Variants in DDX4 observed in about 807,000 individuals in gnomAD.
The protein encoded by DDX4 is probable ATP-dependent RNA helicase DDX4.
DDX4 carries 25 observed loss-of-function variants against 100.0 expected under a neutral mutation model. The ratio of observed to expected loss-of-function variants is 0.25; its 90% CI spans 0.18 to 0.35. The LOEUF is 0.35. Ranked by LOEUF, DDX4 falls within the 10% of genes least tolerant of loss-of-function variation. The pLI, the probability that DDX4 is intolerant of heterozygous loss-of-function variation, is 1.00. For synonymous variants in DDX4, 259 were observed against 275.7 expected (o/e 0.94, Z 0.60); for missense variants, 635 against 882.4 (o/e 0.72, Z 3.55).
At chr5:55,777,253 A>G (rs1741621693) in intron 7 of DDX4, among the ~76,000 whole-genome samples, 1 of 152,216 alleles carries the variant, frequency 6.6e-6, no homozygotes, top group African/African-American at 2.4e-5. Flanking sequence ...GATTGTAGAA[A>G]TAAAAGACCT....
chr5:55,779,756 A>G lies in DDX4; in HGVS notation c.395-208A>G, dbSNP rs569232247. On this transcript the variant is annotated intron_variant, in intron 7 of 21. Transcript: ENST00000505374. Reference sequence around the variant, plus strand: ...GACTTGATTCTCAAAGCAAGCAGTGAGGTTTTAAAAAATTGTAGCCATATC... The same window carrying G: ...GACTTGATTCTCAAAGCAAGCAGTGGGGTTTTAAAAAATTGTAGCCATATC... 1.6e-4 allele frequency among the ~76,000 whole-genome samples: 24 copies of G among 152,280 alleles called. No individual in the cohort carries two copies. In the East Asian group the frequency reaches 4.4e-3, roughly 28 times the overall value.
At chr5:55,763,296 T>C (rs2111809788) in intron 5 of DDX4, 44 bp downstream of exon 5, 2 of 1,229,020 alleles carry the variant, frequency 1.6e-6, no homozygotes, top group African/African-American at 1.5e-5. Flanking sequence ...ACTTGAGTGA[T>C]TTTTTAATAA....
rs372478200 is a variant in DDX4, at chr5:55,754,816, G to A, written c.128-5384G>A. ...TCCATCTGGTCCTGGACTCTTTTTG[G>A]TTGGTAAGCTATTGATTATTGCCAC... On this transcript the variant is annotated intron_variant, in intron 3 of 21. Transcript: ENST00000505374. 2.1e-3 allele frequency among the ~76,000 whole-genome samples: 312 copies of A among 151,796 alleles called. 1 individual carries two copies. The highest frequency in any genetic ancestry group is 7.0e-3 in the African/African-American group (291 of 41,420).
chr5:55,816,714 T>A lies in DDX4; in HGVS notation c.*174T>A. On this transcript the variant is annotated 3_prime_UTR_variant, in exon 22 of 22. Transcript: ENST00000505374. ...GACTAGTTATGTGAGATGCTAAAAC[T>A]TACAACATTGCAGTTACTGATACAA... is the stretch of plus-strand genomic sequence containing the variant. 1 of 1,111,708 alleles carries A rather than the reference T, an allele frequency of 9.0e-7. No individual in the cohort carries two copies. Among genetic ancestry groups the A allele is most frequent in the South Asian group, 2.1e-5 (1 of 48,256 alleles). 68.9% of individuals were successfully genotyped at this position (1,111,708 alleles called of 1,614,324 possible).
chr5:55,761,083 T>C lies in DDX4; in HGVS notation c.205+806T>C, dbSNP rs146175078. On this transcript the variant is annotated intron_variant, in intron 4 of 21. Transcript: ENST00000505374. ...GATGTTTTATTTGACATTTGGAAAA[T>C]TTAATTTCTTTAGATACAATAAACA... Among the ~76,000 whole-genome samples, 79 of 152,280 alleles carry C rather than the reference T, an allele frequency of 5.2e-4. No individual in the cohort carries two copies. In the East Asian group the frequency reaches 7.5e-3, roughly 14 times the overall value.
At chr5:55,814,802 T>C in intron 19 of DDX4, 99 bp from the exon 20 acceptor site, 1 of 1,358,326 alleles carries the variant, frequency 7.4e-7, no homozygotes, top group Non-Finnish European at 1.0e-6. Flanking sequence ...ATGCTGCTAT[T>C]CATACTATTA....
rs552879178 is a variant in DDX4, at chr5:55,757,152, G to A, written c.128-3048G>A. ...TACATAGGTTTTTGGGGAACAGGTGGTGTTTGCTTACATGAGTAAGTTCTT... is the reference window on the plus strand; with the variant it reads ...TACATAGGTTTTTGGGGAACAGGTGATGTTTGCTTACATGAGTAAGTTCTT... On this transcript the variant is annotated intron_variant, in intron 3 of 21. Coordinates refer to ENST00000505374, the MANE Select transcript of DDX4 (RefSeq NM_024415.3). Among the ~76,000 whole-genome samples the A allele has an allele frequency of 2.0e-5, 3 of 152,212 alleles. No individual in the cohort carries two copies. In the East Asian group the frequency reaches 5.8e-4, roughly 29 times the overall value.
At chr5:55,778,888 C>G (rs536194082) in intron 7 of DDX4, among the ~76,000 whole-genome samples, 2 of 16,746 alleles carry the variant, frequency 1.2e-4, no homozygotes, top group Non-Finnish European at 2.4e-4. Context: ...AGTGAGACTT[C>G]GCCTCAAAAA....
chr5:55,769,738 A>G (rs1186869561), intron 7 of DDX4, among the ~76,000 whole-genome samples: 1 of 152,220 alleles, frequency 6.6e-6, no homozygotes, highest in African/African-American at 2.4e-5. Context: ...CAAAGCTGGA[A>G]AGCGTCACAT....
Position 55,738,967 on chromosome 5 carries a change from G to A in DDX4, c.4G>A (p.Gly2Arg). Residue 2 changes from glycine (G) to arginine (R), a missense_variant, in exon 2 of 22, where the codon GGA becomes AGA. Gly to Arg is a moderately radical substitution (Grantham distance 125, BLOSUM62 -2). This residue lies in a region of DDX4 where 446 missense variants were observed against 540.8 expected (regional missense o/e 0.82). Coordinates refer to ENST00000505374, the MANE Select transcript of DDX4 (RefSeq NM_024415.3). ...ATGAATAGAACTTGAAGCCACCATG[G>A]GAGATGAAGATTGGGAAGCAGAAAT... M[G>R]DEDWEAEINP... The A allele has an allele frequency of 6.3e-7, 1 of 1,597,588 alleles. No homozygotes were observed. The highest frequency in any genetic ancestry group is 8.6e-7 in the Non-Finnish European group (1 of 1,165,850).
intron 3 of DDX4, among the ~76,000 whole-genome samples, chr5:55,756,076 C>T (rs1291965785): frequency 6.6e-6 from 1 of 151,922 alleles, no homozygotes; most frequent in Admixed American, 6.6e-5. Context: ...TATGATATTC[C>T]CTATGTAAAT....
intron 17 of DDX4, among the ~76,000 whole-genome samples, chr5:55,794,963 C>CTTTT (rs537421129): frequency 7.1e-6 from 1 of 140,874 alleles, no homozygotes; most frequent in Non-Finnish European, 1.5e-5. Context: ...AGCCCCAGAC[C>CTTTT]TTTTTTTTTT....
chr5:55,769,995 G>C (rs535592757), intron 7 of DDX4, among the ~76,000 whole-genome samples: 75 of 151,868 alleles, frequency 4.9e-4, no homozygotes, highest in Non-Finnish European at 9.0e-4. Context: ...ACCCTCTCTA[G>C]TAGCTGGGAC....
rs759895893 is a variant in DDX4, at chr5:55,785,479, A to C, written c.706A>C (p.Ser236Arg). ...GAAGTCAGAAGCAGAAGGAGGAGAA[A>C]GTAGTGATACTCAAGGTATATTAAC... is the stretch of plus-strand genomic sequence containing the variant. ...SWKSEAEGGE[S>R]SDTQGPKVTY... The change falls in exon 12 of 22, where the codon AGT becomes CGT. Residue 236 changes from serine (S) to arginine (R), a missense_variant. Transcript: ENST00000505374. 1 of 1,606,202 alleles carries C rather than the reference A, an allele frequency of 6.2e-7. No individual in the cohort carries two copies. The highest frequency in any genetic ancestry group is 8.5e-7 in the Non-Finnish European group (1 of 1,174,556).
intron 8 of DDX4, among the ~76,000 whole-genome samples, chr5:55,780,314 C>T (rs1224489319): frequency 6.6e-6 from 1 of 152,076 alleles, no homozygotes; most frequent in African/African-American, 2.4e-5. Context: ...ATATTACATA[C>T]TGTTCATTGT....
intron 3 of DDX4, among the ~76,000 whole-genome samples, 190 bp from the exon 4 acceptor site, chr5:55,760,010 A>G (rs1394011939): frequency 6.6e-6 from 1 of 150,532 alleles, no homozygotes; most frequent in African/African-American, 2.4e-5. Context: ...ATTTAGTCAC[A>G]ATTTATTTTT....
At chr5:55,759,371 T>C (rs1760151628) in intron 3 of DDX4, among the ~76,000 whole-genome samples, 2 of 152,204 alleles carry the variant, frequency 1.3e-5, no homozygotes, top group Middle Eastern at 3.4e-3. Context: ...CTGTGGGTTA[T>C]ATAGAAATGT....
At chr5:55,745,706 A>G (rs1324881097) in intron 2 of DDX4, among the ~76,000 whole-genome samples, 3 of 152,164 alleles carry the variant, frequency 2.0e-5, no homozygotes, top group Non-Finnish European at 2.9e-5. Flanking sequence ...TACATACGAG[A>G]GCCACCACAC....
Position 55,792,697 on chromosome 5 carries a change from T to C in DDX4, c.1359T>C (p.Asp453=). The change falls in exon 17 of 22, where the codon GAT becomes GAC. Residue 453 remains aspartate (D), a synonymous_variant. Transcript: ENST00000505374. The part of the protein sequence containing the change: ...LVLDEADRML[D]MGFGPEMKKL... Reference sequence around the variant, plus strand: ...TGGATGAAGCTGATCGCATGTTGGATATGGGTTTTGGTCCAGAAATGAAGA... The same window carrying C: ...TGGATGAAGCTGATCGCATGTTGGACATGGGTTTTGGTCCAGAAATGAAGA... 6.2e-7 allele frequency: 1 copy of C among 1,601,706 alleles called. No homozygotes were observed. Among genetic ancestry groups the C allele is most frequent in the Non-Finnish European group, 8.5e-7 (1 of 1,172,518 alleles).
Sources: allele counts gnomAD v4.1 joint callset (sites outside exome capture counted in the v4.1 genomes callset), GRCh38; gene constraint gnomAD v4.1.1; regional missense constraint gnomAD v4.1.1; transcripts MANE v1.5; gene names NCBI Gene and HGNC (gene_info 2026-07-23, HGNC 2026-07-21).